The following BICRA variants were observed in gnomAD, a reference collection of about 807,000 sequenced individuals.
BICRA encodes BRD4-interacting chromatin-remodeling complex-associated protein.
BICRA carries 31 observed loss-of-function variants against 96.9 expected under a neutral mutation model. The ratio of observed to expected loss-of-function variants is 0.32; its 90% CI spans 0.24 to 0.43. The LOEUF is 0.43. BICRA is among the 20% of genes least tolerant of loss of function. The probability of loss-of-function intolerance (pLI) is 1.00; values close to 1 mark genes in which losing one functional copy is unlikely to be tolerated. For synonymous variants in BICRA, 1,350 were observed against 1,071.8 expected (o/e 1.26, Z -5.07); for missense variants, 2,283 against 2,190.3 (o/e 1.04, Z -0.84).
intron 1 of BICRA, among the ~76,000 whole-genome samples, chr19:47,643,074 A>G (rs1972406920): frequency 6.6e-6 from 1 of 152,148 alleles, no homozygotes; most frequent in African/African-American, 2.4e-5. Flanking sequence ...GGTTCAAGTG[A>G]TTCTCCTGCC....
chr19:47,686,204 T>C (rs184283342), intron 7 of BICRA, among the ~76,000 whole-genome samples: 1 of 152,232 alleles, frequency 6.6e-6, no homozygotes, highest in Non-Finnish European at 1.5e-5. Flanking sequence ...GTCCTGGGAT[T>C]ACAGGCATGA....
At chr19:47,674,654 T>G (rs1972915089) in intron 4 of BICRA, among the ~76,000 whole-genome samples, 1 of 152,174 alleles carries the variant, frequency 6.6e-6, no homozygotes, top group Non-Finnish European at 1.5e-5. Flanking sequence ...ATCCAAAGGT[T>G]TGACTGGGGC....
chr19:47,623,977 G>A (rs974961434), intron 1 of BICRA, among the ~76,000 whole-genome samples: 3 of 151,700 alleles, frequency 2.0e-5, no homozygotes, highest in Admixed American at 6.6e-5. Flanking sequence ...TCAGCTCCCC[G>A]AGTAGCTGGG....
chr19:47,695,208 G>T (rs1043006246), intron 9 of BICRA, 128 bp downstream of exon 9: 2 of 806,714 alleles, frequency 2.5e-6, no homozygotes, highest in Non-Finnish European at 3.9e-6. Flanking sequence ...GAACTCAAGG[G>T]ACACAGGAAG....
intron 4 of BICRA, among the ~76,000 whole-genome samples, chr19:47,674,508 G>C (rs2123578343): frequency 6.6e-6 from 1 of 152,244 alleles, no homozygotes; most frequent in Admixed American, 6.5e-5. Context: ...GATTATCCCA[G>C]CATGCAGTGC....
intron 1 of BICRA, among the ~76,000 whole-genome samples, chr19:47,623,244 A>G (rs1375202734): frequency 6.6e-6 from 1 of 152,086 alleles, no homozygotes; most frequent in Non-Finnish European, 1.5e-5. Flanking sequence ...CTTTACAGAA[A>G]GGATACTGCT....
chr19:47,693,809 G>A (rs1287883309), intron 7 of BICRA, among the ~76,000 whole-genome samples: 3 of 152,194 alleles, frequency 2.0e-5, no homozygotes, highest in Admixed American at 6.5e-5. Context: ...TGCAGGGCTC[G>A]CCTTTGTCTG....
intron 1 of BICRA, among the ~76,000 whole-genome samples, chr19:47,668,964 GGTATA>G (rs1403756504): frequency 6.6e-6 from 1 of 151,888 alleles, no homozygotes; most frequent in Non-Finnish European, 1.5e-5. Context: ...TACTTAGCCG[GGTATA>G]GTGGCAGGTG....
At chr19:47,663,480 C>G (rs963135806) in intron 1 of BICRA, 1 of 152,146 alleles carries the variant, frequency 6.6e-6, no homozygotes, top group Admixed American at 6.6e-5. Context: ...CCCGTGGTTG[C>G]AAAATGGCTG....
chr19:47,634,945 G>A (rs11672016), intron 1 of BICRA, among the ~76,000 whole-genome samples: 3 of 151,736 alleles, frequency 2.0e-5, no homozygotes, highest in Non-Finnish European at 4.4e-5. Context: ...TGTATTTTTA[G>A]TAGAGATGGG....
chr19:47,699,272 C>T lies in BICRA; in HGVS notation c.3493-31C>T, dbSNP rs946986244. 1 of 1,286,412 alleles carries T rather than the reference C, an allele frequency of 7.8e-7. No homozygotes were observed. Among genetic ancestry groups the T allele is most frequent in the Non-Finnish European group, 1.1e-6 (1 of 904,514 alleles). The allele number at this position is 1,286,412 out of a possible 1,614,324, so 79.7% of individuals were successfully genotyped here. On this transcript the variant is annotated intron_variant, in intron 13 of 14. Transcript: ENST00000594866. The surrounding 1 kb of genome is among the most constrained non-coding windows in gnomAD (Gnocchi z 5.0). The stretch of plus-strand genomic sequence containing the variant: ...CGCCCCTTCCCCCTTCTTGCTGGTT[C>T]ACTCGCACGTCGTCTTTTCCCCCAC...
chr19:47,673,481 AG>A, intron 2 of BICRA, 88 bp from the exon 3 acceptor site: 1 of 1,016,418 alleles, frequency 9.8e-7, no homozygotes, highest in Non-Finnish European at 1.6e-6. Context: ...GACCCCCTCC[AG>A]GGGGCTCCCC....
intron 1 of BICRA, among the ~76,000 whole-genome samples, chr19:47,634,724 A>G (rs1438386832): frequency 1.3e-5 from 2 of 150,368 alleles, no homozygotes; most frequent in Non-Finnish European, 3.0e-5. Context: ...CTTTGGTGCC[A>G]TCCTCAACTC....
Position 47,698,916 on chromosome 19 carries a change from G to A in BICRA, c.3398-49G>A, listed in dbSNP as rs757198570. Reference sequence around the variant, plus strand: ...GCCCCGCCCTCCTTCCTGCGCATCCGCGGCCGCCCCCAACATCTCCGCCCT... The same window carrying A: ...GCCCCGCCCTCCTTCCTGCGCATCCACGGCCGCCCCCAACATCTCCGCCCT... On this transcript the variant is annotated intron_variant, in intron 12 of 14. Transcript: ENST00000594866. This position sits in a 1 kb window ranked among gnomAD's most constrained non-coding sequence, Gnocchi z 4.8. 1.4e-6 allele frequency: 2 copies of A among 1,447,710 alleles called. No individual in the cohort carries two copies. Among genetic ancestry groups the A allele is most frequent in the East Asian group, 2.5e-5 (1 of 40,694 alleles). 89.7% of individuals were successfully genotyped at this position (1,447,710 alleles called of 1,614,324 possible).
Position 47,694,952 on chromosome 19 carries a change from C to G in BICRA, c.2948C>G (p.Pro983Arg). The G allele has an allele frequency of 2.6e-6, 4 of 1,550,020 alleles. No individual in the cohort carries two copies. The highest frequency in any genetic ancestry group is 3.5e-6 in the Non-Finnish European group (4 of 1,155,022). ...QNKAGGAPAAPQTSTSLGPLT... is the reference protein window; with the variant it reads ...QNKAGGAPAARQTSTSLGPLT... Reference sequence around the variant, plus strand: ...AAGGCTGGGGGGGCCCCTGCCGCCCCGCAGACCTCCACCAGCCTGGGGCCC... The same window carrying G: ...AAGGCTGGGGGGGCCCCTGCCGCCCGGCAGACCTCCACCAGCCTGGGGCCC... Residue 983 changes from proline (P) to arginine (R), a missense_variant, in exon 9 of 15, where the codon CCG (proline) becomes CGG (arginine). Transcript: ENST00000594866.
At chr19:47,678,058 G>A (rs1972968040) in intron 5 of BICRA, among the ~76,000 whole-genome samples, 1 of 152,200 alleles carries the variant, frequency 6.6e-6, no homozygotes, top group Admixed American at 6.5e-5. Context: ...TGTAATTACA[G>A]ATAAGTGTTG....
chr19:47,689,891 A>G (rs1183944564), intron 7 of BICRA, among the ~76,000 whole-genome samples: 1 of 152,220 alleles, frequency 6.6e-6, no homozygotes, highest in Non-Finnish European at 1.5e-5. Context: ...CTTTGTACAG[A>G]AGAGCCACAG....
chr19:47,689,045 T>C (rs1973201349), intron 7 of BICRA, among the ~76,000 whole-genome samples: 1 of 152,038 alleles, frequency 6.6e-6, no homozygotes, highest in Admixed American at 6.6e-5. Flanking sequence ...CAGGCTGGTC[T>C]TGGACTCCTG....
chr19:47,660,171 C>T (rs1599828115), intron 1 of BICRA, among the ~76,000 whole-genome samples: 1 of 151,920 alleles, frequency 6.6e-6, no homozygotes, highest in East Asian at 1.9e-4. Flanking sequence ...TGTGCTCCCT[C>T]AGGAGGCTCT....
Sources: gnomAD v4.1 joint callset for allele counts (sites outside exome capture counted in the v4.1 genomes callset) on GRCh38, gnomAD v4.1.1 for gene constraint, Gnocchi (gnomAD v3.1) non-coding constraint, MANE v1.5 for transcripts, NCBI Gene and HGNC (gene_info 2026-07-23, HGNC 2026-07-21) for gene names.